Variants in FBXW8 observed in about 807,000 individuals in gnomAD.
The protein encoded by FBXW8 is F-box/WD repeat-containing protein 8.
Under a neutral mutation model 65.3 loss-of-function variants are expected in FBXW8, and 57 were observed. That is an observed-to-expected ratio of 0.87 (90% CI 0.71 to 1.09). FBXW8 has a LOEUF of 1.09. Ranked by LOEUF, FBXW8 falls within the 50% of genes least tolerant of loss-of-function variation. The pLI is 0.00. For missense variants in FBXW8, 777 were observed against 814.8 expected (o/e 0.95, Z 0.57); for synonymous variants, 308 against 330.2 (o/e 0.93, Z 0.73).
chr12:117,012,469 G>C (rs117002905), intron 8 of FBXW8, among the ~76,000 whole-genome samples: 28 of 152,110 alleles, frequency 1.8e-4, no homozygotes, highest in Non-Finnish European at 3.8e-4. Context: ...CCTGAGTCAG[G>C]GTTGCTCGGT....
At chr12:116,976,957 C>T (rs955594410) in intron 5 of FBXW8, among the ~76,000 whole-genome samples, 3 of 152,114 alleles carry the variant, frequency 2.0e-5, no homozygotes, top group Non-Finnish European at 2.9e-5. Context: ...TGTGAGTCTC[C>T]GTCTCTATTG....
chr12:116,999,597 C>T (rs1011302848), intron 7 of FBXW8, among the ~76,000 whole-genome samples: 2 of 152,074 alleles, frequency 1.3e-5, no homozygotes, highest in Non-Finnish European at 2.9e-5. Context: ...CACCTGTCCA[C>T]CTGTCAGTGC....
chr12:116,925,849 G>A (rs1051154677), intron 1 of FBXW8, among the ~76,000 whole-genome samples: 3 of 152,174 alleles, frequency 2.0e-5, no homozygotes, highest in African/African-American at 7.2e-5. Context: ...TTACAGATGA[G>A]AAAGCACAGA....
intron 1 of FBXW8, among the ~76,000 whole-genome samples, chr12:116,916,340 T>G (rs1234347307): frequency 1.3e-5 from 2 of 152,190 alleles, no homozygotes; most frequent in African/African-American, 4.8e-5. Flanking sequence ...GTATGTGGAA[T>G]GTAGTATTTC....
intron 4 of FBXW8, among the ~76,000 whole-genome samples, chr12:116,963,854 T>C (rs1441543245): frequency 6.6e-6 from 1 of 152,156 alleles, no homozygotes; most frequent in Non-Finnish European, 1.5e-5. Context: ...TTCTCACCAC[T>C]TTTCCCCCCA....
intron 4 of FBXW8, among the ~76,000 whole-genome samples, chr12:116,959,961 G>A (rs1463000738): frequency 1.3e-5 from 2 of 152,130 alleles, no homozygotes; most frequent in African/African-American, 4.8e-5. Flanking sequence ...TAGTATATTA[G>A]TTGCAGTTGT....
chr12:116,931,285 C>T (rs1357966341), intron 2 of FBXW8, among the ~76,000 whole-genome samples: 1 of 152,146 alleles, frequency 6.6e-6, no homozygotes, highest in Non-Finnish European at 1.5e-5. Flanking sequence ...ATTGCTATAG[C>T]TTTGTAGTAT....
intron 7 of FBXW8, among the ~76,000 whole-genome samples, chr12:116,993,629 T>C (rs1457419678): frequency 6.6e-6 from 1 of 152,234 alleles, no homozygotes; most frequent in African/African-American, 2.4e-5. Flanking sequence ...GAGTTCGTAG[T>C]AGATTCTGGA....
intron 1 of FBXW8, among the ~76,000 whole-genome samples, chr12:116,927,042 G>A (rs556119001): frequency 1.3e-5 from 2 of 152,266 alleles, no homozygotes; most frequent in South Asian, 4.1e-4. Flanking sequence ...ACTGATGTCA[G>A]CCAAAGCTTA....
At chr12:117,008,452 A>C (rs898615973) in intron 7 of FBXW8, among the ~76,000 whole-genome samples, 1 of 152,236 alleles carries the variant, frequency 6.6e-6, no homozygotes, top group Non-Finnish European at 1.5e-5. Context: ...GTTCTGCGTC[A>C]GAAATTTTTC....
intron 7 of FBXW8, among the ~76,000 whole-genome samples, chr12:116,999,568 C>T (rs1372139812): frequency 1.3e-5 from 2 of 152,192 alleles, no homozygotes. Flanking sequence ...GCCCTTTCCC[C>T]ACCTTTATAC....
intron 7 of FBXW8, among the ~76,000 whole-genome samples, chr12:116,995,248 C>T (rs1953348093): frequency 6.6e-6 from 1 of 152,188 alleles, no homozygotes; most frequent in Non-Finnish European, 1.5e-5. Context: ...TTATCTGGGA[C>T]CCATTTGAGG....
chr12:116,922,055 C>T (rs1340156810), intron 1 of FBXW8, among the ~76,000 whole-genome samples: 1 of 152,078 alleles, frequency 6.6e-6, no homozygotes, highest in Non-Finnish European at 1.5e-5. Context: ...GTCTTGAACT[C>T]CTGGCCCCTA....
intron 9 of FBXW8, among the ~76,000 whole-genome samples, chr12:117,025,371 G>A (rs1954198620): frequency 6.6e-6 from 1 of 152,224 alleles, no homozygotes; most frequent in Admixed American, 6.5e-5. Context: ...TGGCCTCTGA[G>A]CATGACAACA....
At chr12:116,982,840 G>A (rs1427427098) in intron 5 of FBXW8, among the ~76,000 whole-genome samples, 1 of 152,172 alleles carries the variant, frequency 6.6e-6, no homozygotes, top group Non-Finnish European at 1.5e-5. Flanking sequence ...GCAGCACCCA[G>A]GGTGAGTGTG....
chr12:116,928,897 G>C (rs1388451657), intron 2 of FBXW8, among the ~76,000 whole-genome samples: 1 of 152,080 alleles, frequency 6.6e-6, no homozygotes, highest in East Asian at 1.9e-4. Context: ...TGCAACCTCT[G>C]CCTCCCAGGC....
intron 4 of FBXW8, chr12:116,951,180 T>C (rs1024694389): frequency 6.6e-6 from 1 of 152,242 alleles, no homozygotes; most frequent in African/African-American, 2.4e-5. Context: ...TGTGGATCGA[T>C]AGGATGAAAC....
intron 1 of FBXW8, among the ~76,000 whole-genome samples, chr12:116,921,206 A>G (rs570650721): frequency 3.9e-5 from 6 of 152,370 alleles, no homozygotes; most frequent in African/African-American, 1.4e-4. Flanking sequence ...ATGGACATTT[A>G]TTGTGCATCT....
intron 5 of FBXW8, among the ~76,000 whole-genome samples, chr12:116,972,429 A>G (rs1884693268): frequency 6.6e-6 from 1 of 152,214 alleles, no homozygotes; most frequent in African/African-American, 2.4e-5. Flanking sequence ...GGCTTGATCA[A>G]ACTAGAAGTA....
Sources: allele counts gnomAD v4.1 joint callset (sites outside exome capture counted in the v4.1 genomes callset), GRCh38; gene constraint gnomAD v4.1.1; transcripts MANE v1.5; gene names NCBI Gene and HGNC (gene_info 2026-07-23, HGNC 2026-07-21).